The following YWHAZ variants were observed in gnomAD, a reference collection of about 807,000 sequenced individuals.
YWHAZ encodes the protein tyrosine 3-monooxygenase/tryptophan 5-monooxygenase activation protein zeta.
For missense variants in YWHAZ, 79 were observed against 284.8 expected, an observed-to-expected ratio of 0.28 and a Z score of 5.20; for synonymous variants, 87 against 103.6, an observed-to-expected ratio of 0.84 and a Z score of 0.97.
chr8:100,924,957 T>C lies in YWHAZ; in HGVS notation c.377A>G (p.Tyr126Cys). ...VFYLKMKGDYYRYLAEVAAGD... is the reference protein window; with the variant it reads ...VFYLKMKGDYCRYLAEVAAGD... Reference sequence around the variant, plus strand: ...AGCGGCAACCTCAGCCAAGTAACGGTAGTAATCTCCTTTCATTTTCAAATA... The same window carrying C: ...AGCGGCAACCTCAGCCAAGTAACGGCAGTAATCTCCTTTCATTTTCAAATA... Residue 126 changes from tyrosine to cysteine, a missense_variant, in exon 3 of 6, where the codon TAC becomes TGC. By Grantham distance (194) the Tyr-to-Cys change is radical (BLOSUM62 -2). Coordinates refer to ENST00000395958, the MANE Select transcript of YWHAZ (RefSeq NM_145690.3). The surrounding 1 kb of genome is among the most constrained non-coding windows in gnomAD (Gnocchi z 5.7). The C allele has an allele frequency of 6.2e-7, 1 of 1,613,354 alleles. No homozygotes were observed. Among genetic ancestry groups the C allele is most frequent in the Non-Finnish European group, 8.5e-7 (1 of 1,179,924 alleles).
intron 5 of YWHAZ, among the ~76,000 whole-genome samples, chr8:100,921,586 T>C (rs1813030471): frequency 6.6e-6 from 1 of 152,192 alleles, no homozygotes; most frequent in African/African-American, 2.4e-5. Flanking sequence ...TTCTAACACT[T>C]TAAGCTTAGA....
At chr8:100,933,723 A>G (rs531600573) in intron 2 of YWHAZ, among the ~76,000 whole-genome samples, 1 of 152,272 alleles carries the variant, frequency 6.6e-6, no homozygotes, top group East Asian at 1.9e-4. Flanking sequence ...TAAAGGACTA[A>G]CGGCCAGGTG....
At chr8:100,952,444 G>C (rs1454392129), upstream of YWHAZ, 1 of 154,216 alleles carries the variant, frequency 6.5e-6, no homozygotes, top group Non-Finnish European at 1.4e-5. Flanking sequence ...CTCTCAGCCG[G>C]CGGGAAGGCG....
intron 2 of YWHAZ, among the ~76,000 whole-genome samples, chr8:100,927,628 A>G (rs987317080): frequency 2.6e-5 from 4 of 152,226 alleles, no homozygotes; most frequent in African/African-American, 7.2e-5. Context: ...GTTACTTAAG[A>G]GTGAACCAGT....
Position 100,928,013 on chromosome 8 carries a change from C to T in YWHAZ, c.295-2974G>A, listed in dbSNP as rs559652706. Among the ~76,000 whole-genome samples, 7 of 152,342 alleles carry T rather than the reference C, an allele frequency of 4.6e-5. No homozygotes were observed. In the South Asian group the frequency reaches 1.2e-3, roughly 27 times the overall value. On this transcript the variant is annotated intron_variant, in intron 2 of 5. Transcript: ENST00000395958. Reference sequence around the variant, plus strand: ...TGAGAAAGGTGGCTGGGCATGGTGGCTCACGCCTGTAATCCCAACACTTTG... The same window carrying T: ...TGAGAAAGGTGGCTGGGCATGGTGGTTCACGCCTGTAATCCCAACACTTTG...
At chr8:100,934,926 A>G (rs1814034887) in intron 2 of YWHAZ, 1 of 152,052 alleles carries the variant, frequency 6.6e-6, no homozygotes, top group East Asian at 1.9e-4. Context: ...CTTAACACCT[A>G]AATTCTTAGG....
chr8:100,948,585 T>G lies in YWHAZ; in HGVS notation c.294+11A>C, dbSNP rs770879611. On this transcript the variant is annotated intron_variant, in intron 2 of 5. Coordinates refer to ENST00000395958, the MANE Select transcript of YWHAZ (RefSeq NM_145690.3). This position sits in a 1 kb window ranked among gnomAD's most constrained non-coding sequence, Gnocchi z 4.2. ...TACAGTATAATGAAGCCAGACTGAA[T>G]TGATTCTCACCAGTACATCATTGCA... 3 of 1,609,206 alleles carry G rather than the reference T, an allele frequency of 1.9e-6. No homozygotes were observed. Among genetic ancestry groups the G allele is most frequent in the South Asian group, 2.2e-5 (2 of 90,870 alleles).
intron 2 of YWHAZ, among the ~76,000 whole-genome samples, chr8:100,942,586 G>A (rs1809953389): frequency 6.6e-6 from 1 of 152,188 alleles, no homozygotes; most frequent in Non-Finnish European, 1.5e-5. Context: ...GAAAAGAACA[G>A]AGCCAATCTT....
chr8:100,935,998 G>A (rs966743626), intron 2 of YWHAZ, among the ~76,000 whole-genome samples: 1 of 151,922 alleles, frequency 6.6e-6, no homozygotes, highest in Non-Finnish European at 1.5e-5. Flanking sequence ...AGGGTCCTTA[G>A]ACCAAACCCC....
chr8:100,949,897 C>G (rs530932308), intron 1 of YWHAZ, among the ~76,000 whole-genome samples: 5 of 152,294 alleles, frequency 3.3e-5, no homozygotes, highest in African/African-American at 4.8e-5. Context: ...TGCCGAACAG[C>G]ACAAAGATAC....
Position 100,948,184 on chromosome 8 carries a change from T to C in YWHAZ, c.294+412A>G. On this transcript the variant is annotated intron_variant, in intron 2 of 5. Transcript: ENST00000395958. This position sits in a 1 kb window ranked among gnomAD's most constrained non-coding sequence, Gnocchi z 4.2. ...TAGCGGCTAATCCTGAGAAGAGTAC[T>C]ATTTCTACAATGAGTATCCTATTAC... 2.7e-6 allele frequency: 4 copies of C among 1,489,008 alleles called. No individual in the cohort carries two copies. Among genetic ancestry groups the C allele is most frequent in the Non-Finnish European group, 3.6e-6 (4 of 1,114,126 alleles). 92.2% of individuals were successfully genotyped at this position (1,489,008 alleles called of 1,614,324 possible). A position where few individuals can be genotyped will look rare whatever the true frequency, so the allele number is the denominator to read the frequency against.
rs1029279558 is a variant in YWHAZ at position 100,939,426 on chromosome 8, G to A, written c.294+9170C>T. Among the ~76,000 whole-genome samples, 9 of 152,216 alleles carry A rather than the reference G, an allele frequency of 5.9e-5. 2 individuals are homozygous for A. In the South Asian group the frequency reaches 1.0e-3, roughly 18 times the overall value. ...TGTAATCAATCCCACTTTGGAGGCC[G>A]AGGCGGGTGGATCATCTGAGGTCAG... On this transcript the variant is annotated intron_variant, in intron 2 of 5. Transcript: ENST00000395958.
At chr8:100,937,284 GCTTT>G (rs1437767083) in intron 2 of YWHAZ, among the ~76,000 whole-genome samples, 1 of 148,070 alleles carries the variant, frequency 6.8e-6, no homozygotes, top group Admixed American at 6.7e-5. Context: ...CCCTTTATAT[GCTTT>G]TTTTTTTTCA....
At chr8:100,923,498 C>G (rs1468346239) in intron 5 of YWHAZ, 1 of 153,556 alleles carries the variant, frequency 6.5e-6, no homozygotes, top group Non-Finnish European at 1.4e-5. Context: ...TGCAGTATCC[C>G]AAGGACAATC....
Position 100,948,247 on chromosome 8 carries a change from A to G in YWHAZ, c.294+349T>C. 1 of 1,008,812 alleles carries G rather than the reference A, an allele frequency of 9.9e-7. No homozygotes were observed. Among genetic ancestry groups the G allele is most frequent in the South Asian group, 1.8e-5 (1 of 56,344 alleles). 62.5% of individuals were successfully genotyped at this position (1,008,812 alleles called of 1,614,324 possible). A position where few individuals can be genotyped will look rare whatever the true frequency, so the allele number is the denominator to read the frequency against. ...TAAAGTATGTAAAATTCCTTTATCC[A>G]CAGATGTACATTTAAGATAACCAGC... On this transcript the variant is annotated intron_variant, in intron 2 of 5. Transcript: ENST00000395958. The surrounding 1 kb of genome is among the most constrained non-coding windows in gnomAD (Gnocchi z 4.2).
At chr8:100,934,298 C>A (rs776477846) in intron 2 of YWHAZ, among the ~76,000 whole-genome samples, 141 of 148,902 alleles carry the variant, frequency 9.5e-4, no homozygotes, top group Admixed American at 2.6e-3. Flanking sequence ...TGCACTCCAG[C>A]ATGGGGGACA....
intron 5 of YWHAZ, 43 bp from the exon 6 acceptor site, chr8:100,920,795 TGG>T (rs371689979): frequency 0.079 from 6,660 of 83,874 alleles, 13 homozygotes; most frequent in South Asian, 0.17. Context: ...TTCAGTGGGA[TGG>T]GGGGGGGGGG....
chr8:100,923,388 A>G (rs1813160917), intron 5 of YWHAZ: 1 of 152,188 alleles, frequency 6.6e-6, no homozygotes, highest in Non-Finnish European at 1.5e-5. Flanking sequence ...AAAAAAAGAG[A>G]GATAATTGGA....
intron 2 of YWHAZ, among the ~76,000 whole-genome samples, chr8:100,940,111 A>G (rs550170217): frequency 2.2e-4 from 33 of 146,906 alleles, no homozygotes; most frequent in African/African-American, 8.4e-4. Flanking sequence ...AAAAGAACTT[A>G]TATCAAAAAG....
Sources: gnomAD v4.1 joint callset for allele counts (sites outside exome capture counted in the v4.1 genomes callset) on GRCh38, gnomAD v4.1.1 for gene constraint, Gnocchi (gnomAD v3.1) non-coding constraint, MANE v1.5 for transcripts, NCBI Gene and HGNC (gene_info 2026-07-23, HGNC 2026-07-21) for gene names.